FARSB: variants seen among roughly 807,000 people sequenced by gnomAD.
FARSB encodes the protein phenylalanine--tRNA ligase beta subunit.
A neutral mutation model predicts 69.6 loss-of-function variants in FARSB; 40 were observed. The ratio of observed to expected loss-of-function variants is 0.57; its 90% CI spans 0.45 to 0.75. The LOEUF (loss-of-function observed/expected upper bound fraction) is 0.75. Among genes scored for constraint, FARSB ranks in the 30% least tolerant of loss-of-function variants. The pLI, the probability that FARSB is intolerant of heterozygous loss-of-function variation, is 0.00. For synonymous variants in FARSB, 235 were observed against 247.2 expected (o/e 0.95, Z 0.46); for missense variants, 632 against 722.9 (o/e 0.87, Z 1.44).
At chr2:222,655,162 C>T (rs1206453429) in intron 1 of FARSB, among the ~76,000 whole-genome samples, 1 of 151,958 alleles carries the variant, frequency 6.6e-6, no homozygotes, top group East Asian at 1.9e-4. Context: ...CGCCACTGCA[C>T]TCCAGCCTGG....
intron 5 of FARSB, among the ~76,000 whole-genome samples, chr2:222,639,262 C>G (rs1269541517): frequency 6.6e-6 from 1 of 152,100 alleles, no homozygotes; most frequent in Non-Finnish European, 1.5e-5. Context: ...ACAACAACAA[C>G]AAAAAGCAGG....
chr2:222,572,966 CATT>C (rs1160220166), intron 16 of FARSB, among the ~76,000 whole-genome samples: 1 of 152,194 alleles, frequency 6.6e-6, no homozygotes, highest in African/African-American at 2.4e-5. Context: ...TCAACAGAAA[CATT>C]TACTGGCATA....
intron 15 of FARSB, among the ~76,000 whole-genome samples, chr2:222,607,905 T>C (rs1435380742): frequency 6.6e-6 from 1 of 152,012 alleles, no homozygotes; most frequent in Non-Finnish European, 1.5e-5. Flanking sequence ...AAAAAGTACG[T>C]CCTTGTGGGT....
At chr2:222,642,190 G>A (rs759968860) in intron 3 of FARSB, among the ~76,000 whole-genome samples, 3 of 152,024 alleles carry the variant, frequency 2.0e-5, no homozygotes, top group Admixed American at 6.5e-5. Flanking sequence ...TAGTAGAGAC[G>A]GGGTTTCACC....
At chr2:222,647,361 T>C (rs1691892806) in intron 2 of FARSB, among the ~76,000 whole-genome samples, 3 of 152,166 alleles carry the variant, frequency 2.0e-5, no homozygotes, top group Admixed American at 2.0e-4. Context: ...AATTCTTTTA[T>C]TTTAGCAAGG....
chr2:222,615,270 C>T (rs1013325749), intron 14 of FARSB, among the ~76,000 whole-genome samples: 1 of 152,288 alleles, frequency 6.6e-6, no homozygotes. Context: ...TATCTTTTCC[C>T]CAGACTACTG....
intron 16 of FARSB, among the ~76,000 whole-genome samples, chr2:222,578,906 C>T (rs929942720): frequency 6.6e-6 from 1 of 152,190 alleles, no homozygotes; most frequent in East Asian, 1.9e-4. Flanking sequence ...TGCTTGAACT[C>T]GGGAGGGGGA....
chr2:222,610,614 T>C (rs1690824188), intron 15 of FARSB, among the ~76,000 whole-genome samples: 1 of 152,222 alleles, frequency 6.6e-6, no homozygotes, highest in Admixed American at 6.5e-5. Flanking sequence ...AGCCCTTTAA[T>C]GGACAGCTAA....
At chr2:222,630,931 A>G (rs2106226202) in intron 8 of FARSB, among the ~76,000 whole-genome samples, 1 of 152,292 alleles carries the variant, frequency 6.6e-6, no homozygotes, top group South Asian at 2.1e-4. Context: ...GTACATGAAT[A>G]CCATTTATTT....
chr2:222,639,966 T>A (rs965793397), intron 4 of FARSB, among the ~76,000 whole-genome samples: 1 of 152,194 alleles, frequency 6.6e-6, no homozygotes, highest in Admixed American at 6.5e-5. Flanking sequence ...AAACAACCCC[T>A]CTGAAAAGTT....
rs180950346 is a variant in FARSB, at chr2:222,577,873, A to G, written c.1619-5851T>C. ...AATGATTAAATAGAAAATGCTCGGG[A>G]AACGTTGAGATCTATTTTAAAGTCT... is the stretch of plus-strand genomic sequence containing the variant. On this transcript the variant is annotated intron_variant, in intron 16 of 16. Coordinates refer to ENST00000281828, the MANE Select transcript of FARSB (RefSeq NM_005687.5). Among the ~76,000 whole-genome samples the G allele has an allele frequency of 4.3e-3, 655 of 152,328 alleles. 7 individuals carry two copies. The highest frequency in any genetic ancestry group is 0.015 in the African/African-American group (620 of 41,568).
At chr2:222,603,684 ATATATTAT>A (rs1206987914) in intron 15 of FARSB, among the ~76,000 whole-genome samples, 2 of 75,902 alleles carry the variant, frequency 2.6e-5, no homozygotes, top group Admixed American at 1.3e-4. Flanking sequence ...ATATTATATT[ATATATTAT>A]TATATATATT....
At chr2:222,643,112 T>G in intron 2 of FARSB, 107 bp from the exon 3 acceptor site, 1 of 552,732 alleles carries the variant, frequency 1.8e-6, no homozygotes, top group East Asian at 2.8e-5. Context: ...ACATATTTTC[T>G]ATAACAAGAA....
At chr2:222,623,179 T>A (rs1691184488) in intron 13 of FARSB, among the ~76,000 whole-genome samples, 1 of 152,168 alleles carries the variant, frequency 6.6e-6, no homozygotes, top group African/African-American at 2.4e-5. Flanking sequence ...TAAAAGTCAT[T>A]TCCTGATTTA....
At chr2:222,573,613 G>A (rs1296171567) in intron 16 of FARSB, among the ~76,000 whole-genome samples, 1 of 152,062 alleles carries the variant, frequency 6.6e-6, no homozygotes, top group African/African-American at 2.4e-5. Flanking sequence ...ACTCCCCAAA[G>A]GAGAAGAAAA....
chr2:222,604,676 C>T (rs1204817998), intron 15 of FARSB, among the ~76,000 whole-genome samples: 1 of 151,860 alleles, frequency 6.6e-6, no homozygotes, highest in African/African-American at 2.4e-5. Context: ...CCAACTCAGC[C>T]TCCTGAGTAG....
Position 222,630,167 on chromosome 2 carries a change from AT to A in FARSB, c.793del (p.Ile265Ter). 4 of 1,524,294 alleles carry A rather than the reference AT, an allele frequency of 2.6e-6. No individual in the cohort carries two copies. Among genetic ancestry groups the A allele is most frequent in the Admixed American group, 2.2e-5 (1 of 44,780 alleles). 94.4% of individuals were successfully genotyped at this position (1,524,294 alleles called of 1,614,324 possible). ...CATGGTGACAATAATATCAAGAACT[AT>A]TTTTGCCTGCAAAGAAAAGAAAAAC... ...CTGTDFTKAK[I>X]VLDIIVTMFS... is the part of the protein sequence containing the mutation. On this transcript the variant is annotated frameshift_variant, in exon 9 of 17. Transcript: ENST00000281828. LOFTEE classifies it high-confidence loss of function.
At chr2:222,636,043 G>A (rs1574947739) in intron 5 of FARSB, among the ~76,000 whole-genome samples, 1 of 148,346 alleles carries the variant, frequency 6.7e-6, no homozygotes, top group Non-Finnish European at 1.5e-5. Context: ...TTGCACCACT[G>A]TAGTCCAGCC....
chr2:222,605,847 G>A (rs924047033), intron 15 of FARSB, among the ~76,000 whole-genome samples: 16 of 152,152 alleles, frequency 1.1e-4, no homozygotes, highest in Middle Eastern at 3.2e-3. Context: ...TGAAGTGGGA[G>A]GATCCCTTGA....
Sources: gnomAD v4.1 joint callset for allele counts (sites outside exome capture counted in the v4.1 genomes callset) on GRCh38, gnomAD v4.1.1 for gene constraint, MANE v1.5 for transcripts, NCBI Gene and HGNC (gene_info 2026-07-23, HGNC 2026-07-21) for gene names.